The following ACAP2 variants were observed in gnomAD, a reference collection of about 807,000 sequenced individuals.
ACAP2 encodes ArfGAP with coiled-coil, ankyrin repeat and PH domains 2.
ACAP2 carries 39 observed loss-of-function variants against 115.8 expected under a neutral mutation model. That is an observed-to-expected ratio of 0.34 (90% CI 0.26 to 0.44). The LOEUF (loss-of-function observed/expected upper bound fraction) is 0.44. ACAP2 is among the 20% of genes least tolerant of loss of function. The pLI is 1.00. For synonymous variants in ACAP2, 289 were observed against 315.8 expected (o/e 0.92, Z 0.90); for missense variants, 662 against 927.6 (o/e 0.71, Z 3.72).
At chr3:195,365,953 T>C (rs1732690851) in intron 4 of ACAP2, among the ~76,000 whole-genome samples, 1 of 151,810 alleles carries the variant, frequency 6.6e-6, no homozygotes, top group African/African-American at 2.4e-5. Flanking sequence ...GCAATTCTCC[T>C]ACCTCAGCCT....
intron 1 of ACAP2, among the ~76,000 whole-genome samples, chr3:195,409,975 C>T (rs916738957): frequency 2.0e-5 from 3 of 150,868 alleles, no homozygotes; most frequent in Non-Finnish European, 4.4e-5. Flanking sequence ...CAAAACAATC[C>T]TGAAAAAGAA....
intron 1 of ACAP2, among the ~76,000 whole-genome samples, chr3:195,416,091 T>A (rs1350248150): frequency 6.6e-6 from 1 of 152,220 alleles, no homozygotes; most frequent in African/African-American, 2.4e-5. Flanking sequence ...CTCACGCCTG[T>A]AATCCCAGCA....
intron 16 of ACAP2, 89 bp downstream of exon 16, chr3:195,297,101 T>G: frequency 8.6e-7 from 1 of 1,163,690 alleles, no homozygotes; most frequent in Non-Finnish European, 1.3e-6. Context: ...TTCTAAACAC[T>G]TTGTCTCAAT....
At chr3:195,394,318 T>TA (rs1186308678) in intron 1 of ACAP2, among the ~76,000 whole-genome samples, 4 of 152,218 alleles carry the variant, frequency 2.6e-5, no homozygotes, top group African/African-American at 9.6e-5. Flanking sequence ...AATTGTCAGA[T>TA]ACCCTCTTCA....
chr3:195,335,892 C>CTTTTTTTTT (rs869135331), intron 7 of ACAP2: 2 of 90,120 alleles, frequency 2.2e-5, no homozygotes, highest in African/African-American at 4.6e-5. Context: ...ACTTCGTTGG[C>CTTTTTTTTT]TTTTTTTTTT....
intron 20 of ACAP2, among the ~76,000 whole-genome samples, chr3:195,290,853 A>T (rs200969054): frequency 0.025 from 3,217 of 127,212 alleles, 74 homozygotes; most frequent in African/African-American, 0.077. Flanking sequence ...AATAAATAAT[A>T]AATAAATAAA....
intron 2 of ACAP2, 44 bp from the exon 3 acceptor site, chr3:195,382,066 C>A: frequency 6.4e-7 from 1 of 1,572,880 alleles, no homozygotes; most frequent in Non-Finnish European, 8.6e-7. Flanking sequence ...GATAGTTTTA[C>A]AAATTACTTA....
At chr3:195,342,014 G>T (rs2108648793) in intron 6 of ACAP2, among the ~76,000 whole-genome samples, 1 of 152,202 alleles carries the variant, frequency 6.6e-6, no homozygotes, top group Non-Finnish European at 1.5e-5. Context: ...GGAGGGAGGT[G>T]ATGGATGAAA....
At chr3:195,403,712 C>T (rs538855410) in intron 1 of ACAP2, among the ~76,000 whole-genome samples, 2 of 152,166 alleles carry the variant, frequency 1.3e-5, no homozygotes, top group South Asian at 4.1e-4. Context: ...TTACAATCAA[C>T]GGAGATGGGC....
At chr3:195,419,845 C>T (rs1242597057) in intron 1 of ACAP2, among the ~76,000 whole-genome samples, 1 of 152,118 alleles carries the variant, frequency 6.6e-6, no homozygotes, top group Non-Finnish European at 1.5e-5. Flanking sequence ...TTACATACAT[C>T]GGAGTCTGTC....
intron 4 of ACAP2, among the ~76,000 whole-genome samples, chr3:195,376,461 T>G (rs1038975124): frequency 6.6e-6 from 1 of 151,888 alleles, no homozygotes; most frequent in Admixed American, 6.6e-5. Flanking sequence ...GAGAACCACT[T>G]GAACCTGGAA....
intron 4 of ACAP2, among the ~76,000 whole-genome samples, chr3:195,370,629 GT>G (rs1234944080): frequency 2.0e-5 from 3 of 152,256 alleles, no homozygotes; most frequent in African/African-American, 7.2e-5. Context: ...GTACTATGCT[GT>G]TTTGGTTACT....
chr3:195,379,139 A>C (rs1733780749), intron 4 of ACAP2, among the ~76,000 whole-genome samples: 1 of 152,160 alleles, frequency 6.6e-6, no homozygotes, highest in Admixed American at 6.5e-5. Context: ...AACAGAAGGC[A>C]AAAAGAAAAC....
chr3:195,420,895 C>G (rs1577454858), intron 1 of ACAP2, among the ~76,000 whole-genome samples: 1 of 152,174 alleles, frequency 6.6e-6, no homozygotes, highest in East Asian at 1.9e-4. Flanking sequence ...CCACCTATCT[C>G]AGCCTTCCAA....
At chr3:195,286,349 C>CT (rs1360136455) in intron 21 of ACAP2, among the ~76,000 whole-genome samples, 1 of 152,200 alleles carries the variant, frequency 6.6e-6, no homozygotes, top group East Asian at 1.9e-4. Context: ...TAATAAATGA[C>CT]TATAGGTTAC....
chr3:195,340,646 CAAG>C (rs1168221379), intron 6 of ACAP2, among the ~76,000 whole-genome samples: 2 of 152,236 alleles, frequency 1.3e-5, no homozygotes, highest in African/African-American at 4.8e-5. Flanking sequence ...AAGAATGTTT[CAAG>C]AAGGAGAGTG....
At chr3:195,404,017 A>C (rs2108797196) in intron 1 of ACAP2, among the ~76,000 whole-genome samples, 1 of 152,310 alleles carries the variant, frequency 6.6e-6, no homozygotes, top group African/African-American at 2.4e-5. Flanking sequence ...AATGAGGAAA[A>C]GAATCTGAGA....
chr3:195,419,495 C>A (rs539821036), intron 1 of ACAP2: 15 of 152,246 alleles, frequency 9.9e-5, no homozygotes, highest in African/African-American at 3.6e-4. Flanking sequence ...GGAGATCAAT[C>A]TGTAACTGAC....
chr3:195,356,451 C>T (rs1451882265), intron 4 of ACAP2, among the ~76,000 whole-genome samples: 1 of 152,144 alleles, frequency 6.6e-6, no homozygotes, highest in East Asian at 1.9e-4. Context: ...CTGGGCTGGG[C>T]TCAGAGCCAG....
Sources: gnomAD v4.1 joint callset for allele counts (sites outside exome capture counted in the v4.1 genomes callset) on GRCh38, gnomAD v4.1.1 for gene constraint, MANE v1.5 for transcripts, NCBI Gene and HGNC (gene_info 2026-07-23, HGNC 2026-07-21) for gene names.